The following CFAP46 variants were observed in gnomAD, a reference collection of about 807,000 sequenced individuals.
CFAP46 encodes the protein cilia- and flagella-associated protein 46.
In CFAP46, 245 loss-of-function variants were observed where a neutral mutation model predicts 325.7. The ratio of observed to expected loss-of-function variants is 0.75; its 90% CI spans 0.68 to 0.84. The LOEUF (loss-of-function observed/expected upper bound fraction) is 0.84. Ranked by LOEUF, CFAP46 falls within the 40% of genes least tolerant of loss-of-function variation. The probability of loss-of-function intolerance (pLI) is 0.00; values close to 1 mark genes in which losing one functional copy is unlikely to be tolerated. For missense variants in CFAP46, 3,346 were observed against 3,543.0 expected (o/e 0.94, Z 1.41); for synonymous variants, 1,523 against 1,495.9 (o/e 1.02, Z -0.42).
chr10:132,867,785 G>A (rs1475883788), intron 33 of CFAP46, among the ~76,000 whole-genome samples: 1 of 152,184 alleles, frequency 6.6e-6, no homozygotes, highest in African/African-American at 2.4e-5. Flanking sequence ...TCTCCGGCGT[G>A]CCCAGCCCCG....
At chr10:132,862,237 C>T (rs956070221) in intron 35 of CFAP46, among the ~76,000 whole-genome samples, 5 of 152,118 alleles carry the variant, frequency 3.3e-5, no homozygotes, top group African/African-American at 2.4e-5. Context: ...GGAGGCCCTT[C>T]GTGGCTGGGC....
chr10:132,859,000 G>A (rs865957979), intron 38 of CFAP46, 71 bp downstream of exon 38: 3 of 1,462,326 alleles, frequency 2.1e-6, no homozygotes, highest in Non-Finnish European at 2.8e-6. Context: ...CCAGAAGGCA[G>A]GATGGCGCTG....
intron 11 of CFAP46, among the ~76,000 whole-genome samples, chr10:132,923,613 G>A (rs112439342): frequency 0.043 from 6,540 of 151,596 alleles, 309 homozygotes; most frequent in African/African-American, 0.11. Flanking sequence ...CCCCGGCCTC[G>A]AGCAGGCTGT....
At chr10:132,909,306 G>T in intron 20 of CFAP46, 62 bp from the exon 21 acceptor site, 1 of 1,181,596 alleles carries the variant, frequency 8.5e-7, no homozygotes, top group Non-Finnish European at 1.2e-6. Context: ...TGGAATATGC[G>T]TGAATTTAAC....
intron 8 of CFAP46, among the ~76,000 whole-genome samples, chr10:132,930,952 C>T (rs1333475255): frequency 2.4e-5 from 3 of 126,902 alleles, no homozygotes; most frequent in Non-Finnish European, 4.9e-5. Context: ...GGCCTCCCCA[C>T]ACTTCTCACA....
At chr10:132,911,235 C>G (rs1849536630) in intron 19 of CFAP46, among the ~76,000 whole-genome samples, 1 of 152,238 alleles carries the variant, frequency 6.6e-6, no homozygotes, top group African/African-American at 2.4e-5. Context: ...GCCGGTGTTC[C>G]TGGCCGGCCC....
chr10:132,882,418 A>G (rs1419230661), intron 27 of CFAP46, among the ~76,000 whole-genome samples: 1 of 151,678 alleles, frequency 6.6e-6, no homozygotes, highest in Non-Finnish European at 1.5e-5. Context: ...CCATGGGTCT[A>G]GGTGCAAGGT....
At chr10:132,841,031 C>T (rs1286873644) in intron 44 of CFAP46, among the ~76,000 whole-genome samples, 1 of 152,164 alleles carries the variant, frequency 6.6e-6, no homozygotes, top group Non-Finnish European at 1.5e-5. Context: ...AATCTAAAAC[C>T]ATTAATTAGA....
In CFAP46 at chr10:132,942,192, C is replaced by T. The variant is rs544384389; in HGVS notation, c.50-88G>A. ...CGCCATCCCGAAGGCCCCAGGCAGC[C>T]GCCTTGGGCCCCCGGGCCACAGCCA... On this transcript the variant is annotated intron_variant, in intron 1 of 57. Transcript: ENST00000368586. 2.4e-5 allele frequency: 35 copies of T among 1,488,416 alleles called. 1 individual carries two copies. The highest frequency in any genetic ancestry group is 3.1e-5 in the Non-Finnish European group (34 of 1,109,230). 92.2% of individuals were successfully genotyped at this position (1,488,416 alleles called of 1,614,324 possible).
In CFAP46 at chr10:132,939,210, G is replaced by T. The variant is rs1228798085; in HGVS notation, c.372-457C>A. On this transcript the variant is annotated intron_variant, in intron 4 of 57. Transcript: ENST00000368586. The surrounding 1 kb of genome is among the most constrained non-coding windows in gnomAD (Gnocchi z 4.6). ...ACATGCCTGCTGTGACCTGAAAGATGTCAGGAGGCAGCCAAGACAGTAGTA... is the reference window on the plus strand; with the variant it reads ...ACATGCCTGCTGTGACCTGAAAGATTTCAGGAGGCAGCCAAGACAGTAGTA... 6.6e-6 allele frequency among the ~76,000 whole-genome samples: 1 copy of T among 152,240 alleles called. No homozygotes were observed. Among genetic ancestry groups the T allele is most frequent in the East Asian group, 1.9e-4 (1 of 5,196 alleles).
intron 22 of CFAP46, among the ~76,000 whole-genome samples, chr10:132,900,885 TA>T (rs1849383749): frequency 6.6e-6 from 1 of 152,262 alleles, no homozygotes; most frequent in African/African-American, 2.4e-5. Context: ...GCTAGAATCG[TA>T]GACGTATCCA....
rs113048725 is a variant in CFAP46, at chr10:132,837,558, G to A, written c.6439-644C>T. On this transcript the variant is annotated intron_variant, in intron 44 of 57. Coordinates refer to ENST00000368586, the MANE Select transcript of CFAP46 (RefSeq NM_001200049.3). Reference sequence around the variant, plus strand: ...ACACGTACACAGATGCGCACACACAGACATGCACGGACACACACATGCACA... The same window carrying A: ...ACACGTACACAGATGCGCACACACAAACATGCACGGACACACACATGCACA... Among the ~76,000 whole-genome samples, 4 of 138,552 alleles carry A rather than the reference G, an allele frequency of 2.9e-5. No homozygotes were observed. In the East Asian group the frequency reaches 6.4e-4, roughly 22 times the overall value. 90.9% of individuals were successfully genotyped at this position (138,552 alleles called of 152,430 possible).
intron 44 of CFAP46, among the ~76,000 whole-genome samples, chr10:132,844,355 A>C (rs183057998): frequency 4.9e-4 from 75 of 152,252 alleles, no homozygotes; most frequent in African/African-American, 1.7e-3. Flanking sequence ...CCCAGGATGG[A>C]CGGTGAGGGT....
intron 50 of CFAP46, among the ~76,000 whole-genome samples, chr10:132,825,391 G>C (rs1039845024): frequency 1.3e-5 from 2 of 152,178 alleles, no homozygotes; most frequent in Admixed American, 1.3e-4. Flanking sequence ...GCTCATGTTA[G>C]CATTTCTTAC....
At position 132,839,100 on chromosome 10, in the gene CFAP46, G is replaced by A. The variant is rs138712207; in HGVS notation, c.6439-2186C>T. ...GGACCTACACCCTTCATCCATGTGGGACACACATGTGTCGGCAACCTAGTG... is the reference window on the plus strand; with the variant it reads ...GGACCTACACCCTTCATCCATGTGGAACACACATGTGTCGGCAACCTAGTG... On this transcript the variant is annotated intron_variant, in intron 44 of 57. Transcript: ENST00000368586. Among the ~76,000 whole-genome samples the A allele has an allele frequency of 2.5e-3, 380 of 152,294 alleles. 1 individual carries two copies. The highest frequency in any genetic ancestry group is 4.4e-3 in the Non-Finnish European group (299 of 68,018).
rs1849152114 is a variant in CFAP46 at position 132,887,219 on chromosome 10, CTTCTCTCTCTCCTCTCCCCTCTT to C, written c.3305-1283_3305-1261del. On this transcript the variant is annotated intron_variant, in intron 25 of 57. Coordinates refer to ENST00000368586, the MANE Select transcript of CFAP46 (RefSeq NM_001200049.3). The stretch of plus-strand genomic sequence containing the variant: ...TCTCTCCTCTTCTTTCCTCTCCCCT[CTTCTCTCTCTCCTCTCCCCTCTT>C]CTCTCTCCTCTCTCGCTTCTCTCTC... 1.2e-4 allele frequency among the ~76,000 whole-genome samples: 9 copies of C among 75,714 alleles called. No individual in the cohort carries two copies. The South Asian group carries it at 3.9e-3, about 33-fold the overall frequency. The allele number at this position is 75,714 out of a possible 152,430, so 49.7% of individuals were successfully genotyped here. A position where few individuals can be genotyped will look rare whatever the true frequency, so the allele number is the denominator to read the frequency against.
Position 132,938,784 on chromosome 10 carries a change from C to T in CFAP46, c.372-31G>A, listed in dbSNP as rs201227406. The T allele has an allele frequency of 3.1e-5, 49 of 1,595,096 alleles. 1 individual carries two copies. In the African/African-American group the frequency reaches 3.5e-4, roughly 11 times the overall value. Reference sequence around the variant, plus strand: ...GCGCGAGCAGAGGAAGCAGAGAGCACGCTCAAAGCCCAGCCGGCCCAAGCT... The same window carrying T: ...GCGCGAGCAGAGGAAGCAGAGAGCATGCTCAAAGCCCAGCCGGCCCAAGCT... On this transcript the variant is annotated intron_variant, in intron 4 of 57. Transcript: ENST00000368586.
At chr10:132,882,275 G>A (rs376418203) in intron 27 of CFAP46, among the ~76,000 whole-genome samples, 1 of 151,588 alleles carries the variant, frequency 6.6e-6, no homozygotes, top group South Asian at 2.1e-4. Flanking sequence ...GGGGTATTGG[G>A]TGTGAATGGT....
chr10:132,919,657 C>T lies in CFAP46; in HGVS notation c.1731-215G>A, dbSNP rs951417367. Among the ~76,000 whole-genome samples the T allele has an allele frequency of 5.3e-5, 8 of 152,008 alleles. No homozygotes were observed. The East Asian group carries it at 9.7e-4, about 18-fold the overall frequency. On this transcript the variant is annotated intron_variant, in intron 14 of 57. Transcript: ENST00000368586. This position sits in a 1 kb window ranked among gnomAD's most constrained non-coding sequence, Gnocchi z 9.7. ...GCTCTCCCTGCCAGCCAGCTGTGCG[C>T]GGCACCTCCCTTCCCTGTGGTGAGA...
Sources: gnomAD v4.1 joint callset for allele counts (sites outside exome capture counted in the v4.1 genomes callset) on GRCh38, gnomAD v4.1.1 for gene constraint, Gnocchi (gnomAD v3.1) non-coding constraint, MANE v1.5 for transcripts, NCBI Gene and HGNC (gene_info 2026-07-23, HGNC 2026-07-21) for gene names.